The following CDH13 variants were observed in gnomAD, a reference collection of about 807,000 sequenced individuals.
CDH13 encodes cadherin 13.
A neutral mutation model predicts 63.8 loss-of-function variants in CDH13; 24 were observed. That is an observed-to-expected ratio of 0.38 (90% CI 0.27 to 0.53). The LOEUF (loss-of-function observed/expected upper bound fraction) is 0.53, where lower values mean the gene tolerates loss of function less well. Ranked by LOEUF, CDH13 falls within the 20% of genes least tolerant of loss-of-function variation. The pLI is 0.85. For missense variants in CDH13, 1,049 were observed against 903.1 expected, an observed-to-expected ratio of 1.16 and a Z score of -2.07; for synonymous variants, 503 against 355.3, an observed-to-expected ratio of 1.42 and a Z score of -4.67.
At chr16:82,803,267 T>A (rs570178006) in intron 1 of CDH13, among the ~76,000 whole-genome samples, 23 of 152,340 alleles carry the variant, frequency 1.5e-4, no homozygotes, top group African/African-American at 5.3e-4. Flanking sequence ...AGACATAAGA[T>A]GATCTCAATT....
chr16:83,008,136 A>G (rs201828044), intron 2 of CDH13, among the ~76,000 whole-genome samples: 1 of 152,212 alleles, frequency 6.6e-6, no homozygotes, highest in East Asian at 1.9e-4. Context: ...TGATACCTTA[A>G]GCTTACATTC....
At chr16:83,761,085 G>T (rs976141205) in intron 11 of CDH13, among the ~76,000 whole-genome samples, 1 of 152,194 alleles carries the variant, frequency 6.6e-6, no homozygotes. Flanking sequence ...TTTTAAGATG[G>T]TAGCAAACGA....
At chr16:82,643,383 A>C (rs952778910) in intron 1 of CDH13, among the ~76,000 whole-genome samples, 1 of 152,184 alleles carries the variant, frequency 6.6e-6, no homozygotes, top group Non-Finnish European at 1.5e-5. Context: ...ACTCCTCAAA[A>C]GATCCCCATT....
chr16:83,703,148 T>G (rs1906501806), intron 10 of CDH13, among the ~76,000 whole-genome samples: 1 of 152,234 alleles, frequency 6.6e-6, no homozygotes, highest in Non-Finnish European at 1.5e-5. Context: ...GAGTAGTGCT[T>G]TAAAGAACAG....
intron 5 of CDH13, among the ~76,000 whole-genome samples, chr16:83,290,120 C>T (rs747682040): frequency 1.3e-5 from 2 of 152,204 alleles, no homozygotes; most frequent in Non-Finnish European, 2.9e-5. Flanking sequence ...CATGGTTAGT[C>T]AGATGCATGT....
At chr16:82,865,970 G>C (rs934111346) in intron 2 of CDH13, among the ~76,000 whole-genome samples, 15 of 152,124 alleles carry the variant, frequency 9.9e-5, no homozygotes, top group African/African-American at 3.6e-4. Flanking sequence ...TTGCTGCTTA[G>C]AAATTTCTTC....
intron 11 of CDH13, among the ~76,000 whole-genome samples, chr16:83,758,265 A>G (rs1282369174): frequency 6.6e-6 from 1 of 152,146 alleles, no homozygotes; most frequent in Non-Finnish European, 1.5e-5. Context: ...ACCTGACAAG[A>G]TCTTACAAGA....
At chr16:82,660,470 G>T (rs895127026) in intron 1 of CDH13, among the ~76,000 whole-genome samples, 52 of 152,172 alleles carry the variant, frequency 3.4e-4, no homozygotes, top group African/African-American at 1.2e-3. Flanking sequence ...GGGAGCACCA[G>T]TTGGTGAACG....
intron 5 of CDH13, among the ~76,000 whole-genome samples, chr16:83,314,906 C>A (rs1029287962): frequency 6.6e-6 from 1 of 152,152 alleles, no homozygotes; most frequent in Non-Finnish European, 1.5e-5. Context: ...GGTTCTTGGG[C>A]CTTTGCCTTC....
chr16:83,031,300 TCCATGCGCATGC>T (rs1916301665), intron 2 of CDH13, among the ~76,000 whole-genome samples: 2 of 143,696 alleles, frequency 1.4e-5, no homozygotes, highest in African/African-American at 5.0e-5. Context: ...TGCGCATGTA[TCCATGCGCATGC>T]ATAGGCATGT....
rs76743767 is a variant in CDH13, at chr16:83,184,293, G to T, written c.484-33052G>T. 9.1e-3 allele frequency among the ~76,000 whole-genome samples: 1,383 copies of T among 152,094 alleles called. 22 individuals carry two copies. Among genetic ancestry groups the T allele is most frequent in the African/African-American group, 0.032 (1,317 of 41,500 alleles). On this transcript the variant is annotated intron_variant, in intron 4 of 13. Coordinates refer to ENST00000567109, the MANE Select transcript of CDH13 (RefSeq NM_001257.5). ...TTTCACCTTTTGAAACCAATAATCAGCCTCTTACATTAACTCTAAAAAGTA... is the reference window on the plus strand; with the variant it reads ...TTTCACCTTTTGAAACCAATAATCATCCTCTTACATTAACTCTAAAAAGTA...
chr16:83,505,045 C>T (rs937155647), intron 7 of CDH13, among the ~76,000 whole-genome samples: 3 of 152,096 alleles, frequency 2.0e-5, no homozygotes, highest in Non-Finnish European at 4.4e-5. Context: ...CATAGTCAGC[C>T]AGCTGTGGCA....
intron 10 of CDH13, chr16:83,710,478 C>T (rs1238388655): frequency 6.6e-6 from 1 of 151,896 alleles, no homozygotes; most frequent in Non-Finnish European, 1.5e-5. Flanking sequence ...TGCTGGCCTT[C>T]TGCATTCCTC....
chr16:83,509,104 T>C (rs946902345), intron 7 of CDH13, among the ~76,000 whole-genome samples: 6 of 152,202 alleles, frequency 3.9e-5, no homozygotes, highest in African/African-American at 1.4e-4. Flanking sequence ...CTCAACCCCC[T>C]TCTTCCCCAG....
chr16:83,659,168 G>T lies in CDH13; in HGVS notation c.1102-11622G>T, dbSNP rs542248210. On this transcript the variant is annotated intron_variant, in intron 8 of 13. Transcript: ENST00000567109. ...CAAGGTCCCATGTCCTCACCACCAG[G>T]TCCCATATCCTCACCAGGAAGGTCC... Among the ~76,000 whole-genome samples, 366 of 144,588 alleles carry T rather than the reference G, an allele frequency of 2.5e-3. 1 individual carries two copies. Among genetic ancestry groups the T allele is most frequent in the African/African-American group, 9.2e-3 (351 of 38,286 alleles). 94.9% of individuals were successfully genotyped at this position (144,588 alleles called of 152,430 possible).
intron 4 of CDH13, among the ~76,000 whole-genome samples, chr16:83,166,330 G>T (rs2037667511): frequency 6.6e-6 from 1 of 152,188 alleles, no homozygotes; most frequent in African/African-American, 2.4e-5. Context: ...CGGGGAGGAA[G>T]GGGCTTAAGC....
At chr16:82,720,844 G>A (rs548449388) in intron 1 of CDH13, among the ~76,000 whole-genome samples, 52 of 152,284 alleles carry the variant, frequency 3.4e-4, no homozygotes, top group East Asian at 7.7e-4. Context: ...AAAGGCCCTC[G>A]CCTGGCTCAT....
At chr16:83,427,350 G>T (rs1228493590) in intron 6 of CDH13, among the ~76,000 whole-genome samples, 1 of 152,082 alleles carries the variant, frequency 6.6e-6, no homozygotes, top group African/African-American at 2.4e-5. Flanking sequence ...GATAGAGGAG[G>T]GTCAGAGAAA....
chr16:83,474,914 A>G (rs1309499932), intron 6 of CDH13, among the ~76,000 whole-genome samples: 1 of 152,204 alleles, frequency 6.6e-6, no homozygotes, highest in Non-Finnish European at 1.5e-5. Flanking sequence ...GAGCCGGTGC[A>G]GTTCTGGGGC....
Sources: allele counts gnomAD v4.1 joint callset (sites outside exome capture counted in the v4.1 genomes callset), GRCh38; gene constraint gnomAD v4.1.1; transcripts MANE v1.5; gene names NCBI Gene and HGNC (gene_info 2026-07-23, HGNC 2026-07-21).